ZNF331: variants seen among roughly 807,000 people sequenced by gnomAD.
ZNF331 encodes the protein C2H2-like zinc finger protein rearranged in thyroid adenomas.
Under a neutral mutation model 7.0 loss-of-function variants are expected in ZNF331, and 2 were observed. The ratio of observed to expected loss-of-function variants is 0.29; its 90% CI spans 0.12 to 0.90. The LOEUF (loss-of-function observed/expected upper bound fraction) is 0.90, where lower values mean the gene tolerates loss of function less well. ZNF331 is among the 40% of genes least tolerant of loss of function. The pLI, the probability that ZNF331 is intolerant of heterozygous loss-of-function variation, is 0.58. For synonymous variants in ZNF331, 196 were observed against 205.4 expected, an observed-to-expected ratio of 0.95 and a Z score of 0.39; for missense variants, 432 against 587.7, an observed-to-expected ratio of 0.74 and a Z score of 2.74.
chr19:53,506,420 C>CTCTCTCTCTG, the ZNF331 span, among the ~76,000 whole-genome samples: 10 of 84,296 alleles, frequency 1.2e-4, no homozygotes, highest in Middle Eastern at 5.4e-3. Flanking sequence ...TCCTCTCTCT[C>CTCTCTCTCTG]TCTCTCTCTC....
chr19:53,569,729 A>G (rs1267065338), intron 4 of ZNF331, among the ~76,000 whole-genome samples: 1 of 152,114 alleles, frequency 6.6e-6, no homozygotes, highest in Non-Finnish European at 1.5e-5. Flanking sequence ...CAGATCCTCC[A>G]CTGATCATGT....
At chr19:53,538,890 G>A (rs750295160) in intron 1 of ZNF331, 1 of 152,398 alleles carries the variant, frequency 6.6e-6, no homozygotes, top group Admixed American at 6.5e-5. Flanking sequence ...GGGCCGCGGA[G>A]GGACGTGAGC....
At chr19:53,557,802 A>T (rs895205396) in intron 3 of ZNF331, among the ~76,000 whole-genome samples, 1 of 152,176 alleles carries the variant, frequency 6.6e-6, no homozygotes, top group Non-Finnish European at 1.5e-5. Flanking sequence ...TGTCTCTACT[A>T]AAAATACAAA....
intron 2 of ZNF331, among the ~76,000 whole-genome samples, chr19:53,526,661 T>G (rs2087307957): frequency 6.6e-6 from 1 of 151,842 alleles, no homozygotes; most frequent in African/African-American, 2.4e-5. Context: ...CACGCCATTC[T>G]CCTGCCTCAG....
chr19:53,566,805 C>T (rs2090177812), intron 3 of ZNF331, among the ~76,000 whole-genome samples: 1 of 128,188 alleles, frequency 7.8e-6, no homozygotes, highest in South Asian at 2.6e-4. Flanking sequence ...CATAAGGGGT[C>T]GTAGAACTTC....
At chr19:53,565,382 A>T (rs1204860521) in intron 3 of ZNF331, among the ~76,000 whole-genome samples, 1 of 152,090 alleles carries the variant, frequency 6.6e-6, no homozygotes, top group African/African-American at 2.4e-5. Context: ...TTTTGTAGAG[A>T]TGGGGTCTTG....
In ZNF331 at chr19:53,571,397, T is replaced by C. The variant is rs1479522034; in HGVS notation, c.10-207T>C. On this transcript the variant is annotated intron_variant, in intron 4 of 5. Coordinates refer to ENST00000449416, the MANE Select transcript of ZNF331 (RefSeq NM_001079906.2). The surrounding 1 kb of genome is among the most constrained non-coding windows in gnomAD (Gnocchi z 4.7). ...TGAGGATTCTGCACAGTAAAGTCAT[T>C]TTCTCTGCAGCGGTAGAGCTCTTCA... 6.6e-6 allele frequency among the ~76,000 whole-genome samples: 1 copy of C among 152,106 alleles called. No homozygotes were observed. The highest frequency in any genetic ancestry group is 1.5e-5 in the Non-Finnish European group (1 of 68,024).
At chr19:53,508,639 G>C in the ZNF331 span, among the ~76,000 whole-genome samples, 1 of 152,054 alleles carries the variant, frequency 6.6e-6, no homozygotes, top group African/African-American at 2.4e-5. Flanking sequence ...TGGGGGTTAT[G>C]AATCTATTTC....
Position 53,571,003 on chromosome 19 carries a change from C to T in ZNF331, c.10-601C>T, listed in dbSNP as rs978651472. ...CCTCCCGAGTAGCTGGGACTACAGG[C>T]GCCCACCATCACGCCCGGCTAATTT... is the stretch of plus-strand genomic sequence containing the variant. On this transcript the variant is annotated intron_variant, in intron 4 of 5. Coordinates refer to ENST00000449416, the MANE Select transcript of ZNF331 (RefSeq NM_001079906.2). This position sits in a 1 kb window ranked among gnomAD's most constrained non-coding sequence, Gnocchi z 4.7. 7.2e-5 allele frequency among the ~76,000 whole-genome samples: 11 copies of T among 151,994 alleles called. No homozygotes were observed. In the East Asian group the frequency reaches 1.2e-3, roughly 16 times the overall value.
At chr19:53,576,621 G>T (rs905084517) in intron 5 of ZNF331, 76 bp from the exon 6 acceptor site, 1 of 1,276,176 alleles carries the variant, frequency 7.8e-7, no homozygotes, top group South Asian at 1.5e-5. Context: ...TCTATTAGAC[G>T]AGTTTTTGGT....
chr19:53,560,292 T>C lies in ZNF331; in HGVS notation c.-74+4384T>C, dbSNP rs1388962434. On this transcript the variant is annotated intron_variant, in intron 3 of 5. Coordinates refer to ENST00000449416, the MANE Select transcript of ZNF331 (RefSeq NM_001079906.2). This position sits in a 1 kb window ranked among gnomAD's most constrained non-coding sequence, Gnocchi z 4.3. ...TATACACACACCATATATATGCACA[T>C]ATATATATACACCCACACCATATAC... Among the ~76,000 whole-genome samples, 1 of 149,012 alleles carries C rather than the reference T, an allele frequency of 6.7e-6. No individual in the cohort carries two copies. Among genetic ancestry groups the C allele is most frequent in the African/African-American group, 2.6e-5 (1 of 39,016 alleles).
In ZNF331 at chr19:53,539,221, C is replaced by A. The variant is rs985815046; in HGVS notation, c.-199C>A. 6.6e-6 allele frequency: 1 copy of A among 152,156 alleles called. No homozygotes were observed. 9.4% of individuals were successfully genotyped at this position (152,156 alleles called of 1,614,324 possible). ...TCCGGTTCTGTTTTCCCCAGGCCAG[C>A]ATCCTTCAGAAAAAGCATCCCCGAG... On this transcript the variant is annotated 5_prime_UTR_variant, in exon 2 of 6. Coordinates refer to ENST00000449416, the MANE Select transcript of ZNF331 (RefSeq NM_001079906.2). This position sits in a 1 kb window ranked among gnomAD's most constrained non-coding sequence, Gnocchi z 6.1.
At chr19:53,556,602 G>T (rs899810197) in intron 3 of ZNF331, among the ~76,000 whole-genome samples, 20 of 151,696 alleles carry the variant, frequency 1.3e-4, no homozygotes, top group Admixed American at 7.9e-4. Context: ...TTGGATTACA[G>T]ATGTGAGCCA....
At position 53,527,950 on chromosome 19, in the gene ZNF331, C is replaced by A. The variant is rs567836850; in HGVS notation, c.-205+5266C>A. ...TGATATCTGATGCCTTCCAAATATA[C>A]ACAAGTAACATTTCCATGATTATAT... On this transcript the variant is annotated intron_variant, in intron 2 of 6. Transcript: ENST00000253144. Among the ~76,000 whole-genome samples the A allele has an allele frequency of 5.3e-5, 8 of 152,314 alleles. No individual in the cohort carries two copies. The South Asian group carries it at 1.7e-3, about 32-fold the overall frequency.
At chr19:53,547,172 C>T (rs911350177) in intron 2 of ZNF331, among the ~76,000 whole-genome samples, 4 of 152,106 alleles carry the variant, frequency 2.6e-5, no homozygotes, top group African/African-American at 9.7e-5. Flanking sequence ...AGAAATTATT[C>T]CCACTTTATC....
chr19:53,535,345 G>A (rs574506932), upstream of ZNF331, among the ~76,000 whole-genome samples: 42 of 152,278 alleles, frequency 2.8e-4, no homozygotes, highest in South Asian at 4.6e-3. Context: ...ACCTGCCTTG[G>A]CCTCTCAAAG....
intron 2 of ZNF331, among the ~76,000 whole-genome samples, chr19:53,541,304 T>C (rs7247131): frequency 0.8 from 121,860 of 151,982 alleles, 49,445 homozygotes; most frequent in African/African-American, 0.89. Context: ...GGGGTTTCTC[T>C]TTTGTTGGTC....
At chr19:53,547,085 G>C (rs1022243517) in intron 2 of ZNF331, among the ~76,000 whole-genome samples, 10 of 152,182 alleles carry the variant, frequency 6.6e-5, no homozygotes, top group African/African-American at 2.4e-4. Context: ...TTTGCAATGA[G>C]AACATTTAAA....
At chr19:53,556,572 A>G (rs944124318) in intron 3 of ZNF331, among the ~76,000 whole-genome samples, 5 of 149,052 alleles carry the variant, frequency 3.4e-5, no homozygotes, top group African/African-American at 1.2e-4. Context: ...CTTTCCTCCC[A>G]CCTTGGCCTC....
Sources: gnomAD v4.1 joint callset for allele counts (sites outside exome capture counted in the v4.1 genomes callset) on GRCh38, gnomAD v4.1.1 for gene constraint, Gnocchi (gnomAD v3.1) non-coding constraint, MANE v1.5 for transcripts, NCBI Gene and HGNC (gene_info 2026-07-23, HGNC 2026-07-21) for gene names.